DSCAM: variants seen among roughly 807,000 people sequenced by gnomAD.
DSCAM encodes the protein cell adhesion molecule DSCAM.
In DSCAM, 47 loss-of-function variants were observed where a neutral mutation model predicts 217.7. That is an observed-to-expected ratio of 0.22 (90% CI 0.17 to 0.28). The LOEUF is 0.28. Among genes scored for constraint, DSCAM ranks in the 10% least tolerant of loss-of-function variants. The pLI, the probability that DSCAM is intolerant of heterozygous loss-of-function variation, is 1.00. For missense variants in DSCAM, 2,080 were observed against 2,618.3 expected, an observed-to-expected ratio of 0.79 and a Z score of 4.49; for synonymous variants, 1,056 against 1,015.3, an observed-to-expected ratio of 1.04 and a Z score of -0.76.
chr21:40,419,501 A>G (rs1048998846), intron 3 of DSCAM, among the ~76,000 whole-genome samples: 1 of 152,170 alleles, frequency 6.6e-6, no homozygotes, highest in Admixed American at 6.5e-5. Flanking sequence ...TCCAAGGTCA[A>G]TGGAACAGAA....
intron 20 of DSCAM, among the ~76,000 whole-genome samples, chr21:40,106,509 C>A (rs773925748): frequency 6.6e-6 from 1 of 152,096 alleles, no homozygotes; most frequent in Non-Finnish European, 1.5e-5. Context: ...AGGAGTCCCC[C>A]CTCCTAGATT....
chr21:40,036,394 G>T (rs1247511029), intron 32 of DSCAM, among the ~76,000 whole-genome samples: 1 of 144,810 alleles, frequency 6.9e-6, no homozygotes, highest in African/African-American at 2.7e-5. Flanking sequence ...ACACCTCTAC[G>T]CAAATAAACT....
intron 3 of DSCAM, among the ~76,000 whole-genome samples, chr21:40,553,828 G>A (rs1240595485): frequency 6.6e-6 from 1 of 151,964 alleles, no homozygotes; most frequent in Non-Finnish European, 1.5e-5. Context: ...AAACAAGACT[G>A]TTAAAAATAA....
chr21:40,040,736 G>T (rs1311429557), intron 32 of DSCAM, among the ~76,000 whole-genome samples: 2 of 152,178 alleles, frequency 1.3e-5, no homozygotes, highest in Admixed American at 6.5e-5. Flanking sequence ...CAGAAGCCCA[G>T]TACACAGTCA....
intron 3 of DSCAM, among the ~76,000 whole-genome samples, chr21:40,468,227 C>T (rs1370854692): frequency 6.6e-6 from 1 of 152,190 alleles, no homozygotes; most frequent in Non-Finnish European, 1.5e-5. Flanking sequence ...CAATATCTGC[C>T]CTTTCTCCTT....
intron 3 of DSCAM, among the ~76,000 whole-genome samples, chr21:40,402,184 C>T (rs1050511642): frequency 1.3e-5 from 2 of 150,498 alleles, no homozygotes; most frequent in African/African-American, 2.4e-5. Flanking sequence ...CTCAGCCTCC[C>T]GAGTAGCTGG....
intron 3 of DSCAM, among the ~76,000 whole-genome samples, chr21:40,463,126 T>C (rs549919997): frequency 4.9e-4 from 74 of 152,278 alleles, no homozygotes; most frequent in African/African-American, 1.7e-3. Flanking sequence ...TTATTCAGCC[T>C]AATAACGAGC....
At position 40,508,758 on chromosome 21, in the gene DSCAM, TATATATATATA is replaced by T. The variant is rs1568862932; in HGVS notation, c.509-139524_509-139514del. 8.1e-4 allele frequency among the ~76,000 whole-genome samples: 12 copies of T among 14,768 alleles called. 1 individual carries two copies. Among genetic ancestry groups the T allele is most frequent in the Non-Finnish European group, 1.1e-3 (9 of 7,918 alleles). 9.7% of individuals were successfully genotyped at this position (14,768 alleles called of 152,430 possible). On this transcript the variant is annotated intron_variant, in intron 3 of 32. Coordinates refer to ENST00000400454, the MANE Select transcript of DSCAM (RefSeq NM_001389.5). ...AAATATATATATATATATATATATA[TATATATATATA>T]TATATATATATATATTTTTTTTTTT...
chr21:40,346,487 ATT>A (rs1325300302), intron 6 of DSCAM, among the ~76,000 whole-genome samples: 1 of 151,158 alleles, frequency 6.6e-6, no homozygotes, highest in African/African-American at 2.4e-5. Flanking sequence ...TATCAAAATC[ATT>A]TTATTATTTT....
intron 11 of DSCAM, among the ~76,000 whole-genome samples, chr21:40,210,243 A>G (rs2146877481): frequency 6.6e-6 from 1 of 152,250 alleles, no homozygotes; most frequent in Non-Finnish European, 1.5e-5. Flanking sequence ...TACCTCCTCT[A>G]TGGAGCCCTC....
intron 3 of DSCAM, among the ~76,000 whole-genome samples, chr21:40,528,460 T>C (rs2076417325): frequency 6.6e-6 from 1 of 152,194 alleles, no homozygotes; most frequent in Non-Finnish European, 1.5e-5. Context: ...TGCATAGCCA[T>C]TGCCCTGAAT....
chr21:40,190,874 T>C (rs1356912434), intron 11 of DSCAM, among the ~76,000 whole-genome samples: 1 of 152,222 alleles, frequency 6.6e-6, no homozygotes, highest in Non-Finnish European at 1.5e-5. Flanking sequence ...AGATACAGAC[T>C]GCAAAATAAC....
rs1376785076 is a variant in DSCAM, at chr21:40,236,253, A to G, written c.2356+39844T>C. Among the ~76,000 whole-genome samples the G allele has an allele frequency of 4.6e-5, 7 of 152,154 alleles. 1 individual carries two copies. In the South Asian group the frequency reaches 1.5e-3, roughly 32 times the overall value. ...AGCACTGAGCCCAGGGTGTGGCCCA[A>G]AGAGGAAACTTAATCAACATTTGAT... is the stretch of plus-strand genomic sequence containing the variant. On this transcript the variant is annotated intron_variant, in intron 11 of 32. Coordinates refer to ENST00000400454, the MANE Select transcript of DSCAM (RefSeq NM_001389.5).
Position 40,133,845 on chromosome 21 carries a change from G to A in DSCAM, c.3562+9C>T, listed in dbSNP as rs546516484. The A allele has an allele frequency of 1.7e-5, 27 of 1,595,032 alleles. No homozygotes were observed. Among genetic ancestry groups the A allele is most frequent in the Middle Eastern group, 1.8e-4 (1 of 5,462 alleles). The stretch of plus-strand genomic sequence containing the variant: ...AACTGCTGGGACCCACCGCCCACCC[G>A]TCTCTCACCATCCTCTTTGGTCCGG... On this transcript the variant is annotated intron_variant, in intron 19 of 32. Coordinates refer to ENST00000400454, the MANE Select transcript of DSCAM (RefSeq NM_001389.5).
intron 3 of DSCAM, among the ~76,000 whole-genome samples, chr21:40,668,377 A>G (rs2090228677): frequency 6.6e-6 from 1 of 152,258 alleles, no homozygotes; most frequent in African/African-American, 2.4e-5. Context: ...CTGGTAGAAC[A>G]TAAAACTCAC....
intron 3 of DSCAM, among the ~76,000 whole-genome samples, chr21:40,665,576 C>T (rs2090190137): frequency 6.6e-6 from 1 of 152,152 alleles, no homozygotes; most frequent in Non-Finnish European, 1.5e-5. Flanking sequence ...TGAAATTCCC[C>T]GTACAGCCCC....
intron 10 of DSCAM, among the ~76,000 whole-genome samples, chr21:40,287,182 T>C (rs1235571091): frequency 2.8e-5 from 4 of 142,626 alleles, no homozygotes; most frequent in Non-Finnish European, 5.9e-5. Flanking sequence ...CTGCAGGGTC[T>C]TCTGCAGTGT....
At chr21:40,719,379 T>C (rs193269097) in intron 1 of DSCAM, among the ~76,000 whole-genome samples, 177 of 152,308 alleles carry the variant, frequency 1.2e-3, no homozygotes, top group Non-Finnish European at 1.8e-3. Flanking sequence ...TCAGTAGTTA[T>C]TGTGGAAAAT....
intron 32 of DSCAM, among the ~76,000 whole-genome samples, chr21:40,038,524 C>T (rs2088675337): frequency 1.2e-4 from 5 of 42,516 alleles, no homozygotes; most frequent in African/African-American, 4.2e-4. Context: ...ACAACAGGTG[C>T]TGGAGAGGAT....
Sources: allele counts gnomAD v4.1 joint callset (sites outside exome capture counted in the v4.1 genomes callset), GRCh38; gene constraint gnomAD v4.1.1; transcripts MANE v1.5; gene names NCBI Gene and HGNC (gene_info 2026-07-23, HGNC 2026-07-21).